Variants in RASSF2 observed in about 807,000 individuals in gnomAD.
RASSF2 encodes the protein ras association domain-containing protein 2.
A neutral mutation model predicts 46.3 loss-of-function variants in RASSF2; 34 were observed. The ratio of observed to expected loss-of-function variants is 0.73; its 90% confidence interval spans 0.56 to 0.98. The LOEUF (loss-of-function observed/expected upper bound fraction) is 0.98. Ranked by LOEUF, RASSF2 falls within the 50% of genes least tolerant of loss-of-function variation. The probability of loss-of-function intolerance (pLI) is 0.00; values close to 1 mark genes in which losing one functional copy is unlikely to be tolerated. For synonymous variants in RASSF2, 158 were observed against 162.5 expected, an observed-to-expected ratio of 0.97 and a Z score of 0.21; for missense variants, 364 against 431.2, an observed-to-expected ratio of 0.84 and a Z score of 1.38.
chr20:4,809,221 T>C (rs899822154), intron 2 of RASSF2, among the ~76,000 whole-genome samples: 38 of 152,288 alleles, frequency 2.5e-4, no homozygotes, highest in Admixed American at 7.2e-4. Context: ...GAAAGACAGC[T>C]TGGGGGTAAG....
chr20:4,803,124 C>A (rs143048396), intron 2 of RASSF2, among the ~76,000 whole-genome samples: 1 of 151,790 alleles, frequency 6.6e-6, no homozygotes. Context: ...TTGCCCAGGC[C>A]GGTCTTGAAC....
At position 4,782,447 on chromosome 20, in the gene RASSF2, T is replaced by C. The variant is rs2422977; in HGVS notation, c.*1826A>G. 0.29 allele frequency: 43,738 copies of C among 152,656 alleles called. 6,403 individuals carry two copies. Among genetic ancestry groups the C allele is most frequent in the Non-Finnish European group, 0.32 (21,477 of 67,992 alleles). 9.5% of individuals were successfully genotyped at this position (152,656 alleles called of 1,614,324 possible). ...GAAGCCTCTCCCGGTGGCTACTCTT[T>C]GTCTTCTTACCCCAGTTCTGTGCAG... On this transcript the variant is annotated 3_prime_UTR_variant, in exon 12 of 12. Coordinates refer to ENST00000379400, the MANE Select transcript of RASSF2 (RefSeq NM_014737.3).
In RASSF2 at chr20:4,787,773, AG is replaced by A. The variant is rs1925493657; in HGVS notation, c.692-20del. 1.9e-6 allele frequency: 3 copies of A among 1,614,040 alleles called. No homozygotes were observed. Among genetic ancestry groups the A allele is most frequent in the African/African-American group, 2.7e-5 (2 of 74,916 alleles). ...TGTTTCTCTGCAACCACACACACCC[AG>A]GAGCAGCCCTGAGAGGCCTTTCTCA... On this transcript the variant is annotated intron_variant, in intron 9 of 11. Transcript: ENST00000379400.
Position 4,801,046 on chromosome 20 carries a change from T to C in RASSF2, c.-16A>G. On this transcript the variant is annotated 5_prime_UTR_variant, in exon 3 of 12. Transcript: ENST00000379400. ...TGTAGTCCATTCTTCCTTTCTCTTT[T>C]CATCGGAAGGAGAGGCCTACATTTG... 1 of 1,613,092 alleles carries C rather than the reference T, an allele frequency of 6.2e-7. No individual in the cohort carries two copies. The highest frequency in any genetic ancestry group is 8.5e-7 in the Non-Finnish European group (1 of 1,179,014).
Position 4,781,785 on chromosome 20 carries a change from A to G in RASSF2, c.*2488T>C, listed in dbSNP as rs962217787. On this transcript the variant is annotated 3_prime_UTR_variant, in exon 12 of 12. Coordinates refer to ENST00000379400, the MANE Select transcript of RASSF2 (RefSeq NM_014737.3). The stretch of plus-strand genomic sequence containing the variant: ...AAACTGGTCTTTTGTCCTTTACACA[A>G]TTTCAGGTTCATTGCACGCAATTAC... 1.3e-5 allele frequency: 2 copies of G among 152,188 alleles called. No homozygotes were observed. The highest frequency in any genetic ancestry group is 2.9e-5 in the Non-Finnish European group (2 of 68,036). The allele number at this position is 152,188 out of a possible 1,614,324, so 9.4% of individuals were successfully genotyped here.
At chr20:4,789,764 C>T (rs981661689) in intron 7 of RASSF2, 67 bp from the exon 8 acceptor site, 25 of 1,311,744 alleles carry the variant, frequency 1.9e-5, no homozygotes, top group African/African-American at 5.8e-5. Context: ...AATCCAGGTG[C>T]GGTACAGGGC....
rs1421641607 is a variant in RASSF2 at position 4,812,940 on chromosome 20, G to A, written c.-33+9389C>T. ...AGGCTGGGAGGTCTGGGGGATGGGAGGCGAGTGAGTGACCAGCCCAGAGGA... is the reference window on the plus strand; with the variant it reads ...AGGCTGGGAGGTCTGGGGGATGGGAAGCGAGTGAGTGACCAGCCCAGAGGA... On this transcript the variant is annotated intron_variant, in intron 2 of 11. Transcript: ENST00000379400. This position sits in a 1 kb window ranked among gnomAD's most constrained non-coding sequence, Gnocchi z 4.0. Among the ~76,000 whole-genome samples, 1 of 152,162 alleles carries A rather than the reference G, an allele frequency of 6.6e-6. No individual in the cohort carries two copies. The highest frequency in any genetic ancestry group is 1.5e-5 in the Non-Finnish European group (1 of 68,032).
intron 11 of RASSF2, among the ~76,000 whole-genome samples, chr20:4,785,454 C>T (rs1925244150): frequency 6.6e-6 from 1 of 152,216 alleles, no homozygotes; most frequent in African/African-American, 2.4e-5. Flanking sequence ...CGGCTTTATT[C>T]TCCAGTGGCA....
At chr20:4,802,914 ATT>A (rs60825053) in intron 2 of RASSF2, among the ~76,000 whole-genome samples, 14 of 95,578 alleles carry the variant, frequency 1.5e-4, no homozygotes, top group Admixed American at 1.0e-3. Context: ...ATATATATAT[ATT>A]TTTTTTTTTT....
At chr20:4,822,174 G>C (rs755591948) in intron 2 of RASSF2, among the ~76,000 whole-genome samples, 155 bp downstream of exon 2, 7 of 152,228 alleles carry the variant, frequency 4.6e-5, no homozygotes, top group Non-Finnish European at 1.0e-4. Flanking sequence ...CCCTGGCTCT[G>C]TCTTCCCGGC....
chr20:4,800,099 G>C (rs953529016), intron 3 of RASSF2, among the ~76,000 whole-genome samples: 1 of 150,062 alleles, frequency 6.7e-6, no homozygotes, highest in African/African-American at 2.4e-5. Context: ...GTGACAGAGG[G>C]AGAGTCCTTC....
chr20:4,811,068 T>A (rs578027898), intron 2 of RASSF2, among the ~76,000 whole-genome samples: 1 of 152,148 alleles, frequency 6.6e-6, no homozygotes, highest in Admixed American at 6.5e-5. Context: ...GCTTTAAACA[T>A]CCTGATGTCA....
intron 2 of RASSF2, among the ~76,000 whole-genome samples, chr20:4,817,851 A>G (rs1928422638): frequency 6.6e-6 from 1 of 152,246 alleles, no homozygotes; most frequent in African/African-American, 2.4e-5. Context: ...TTGTATAGAC[A>G]GAAGGACAAG....
In RASSF2 at chr20:4,789,155, T is replaced by C. The variant is rs528072500; in HGVS notation, c.639+441A>G. Among the ~76,000 whole-genome samples the C allele has an allele frequency of 2.0e-5, 3 of 152,288 alleles. No homozygotes were observed. The South Asian group carries it at 6.2e-4, about 32-fold the overall frequency. ...TCCTGCACTATAATTTGCACGTCTA[T>C]TTAAGTATCATATTTCAAAGTAGGT... On this transcript the variant is annotated intron_variant, in intron 8 of 11. Transcript: ENST00000379400.
intron 2 of RASSF2, among the ~76,000 whole-genome samples, chr20:4,815,915 C>T (rs1928267167): frequency 6.6e-6 from 1 of 152,238 alleles, no homozygotes; most frequent in Admixed American, 6.5e-5. Flanking sequence ...CATGACCCAG[C>T]CTGAGATGGA....
chr20:4,783,799 T>C lies in RASSF2; in HGVS notation c.*474A>G. 1 of 157,432 alleles carries C rather than the reference T, an allele frequency of 6.4e-6. No homozygotes were observed. 9.8% of individuals were successfully genotyped at this position (157,432 alleles called of 1,614,324 possible). ...TGAACCTGGAGAACCCTCTTCCCTCTCTAAACACAGACAGACGTGTGGCTG... is the reference window on the plus strand; with the variant it reads ...TGAACCTGGAGAACCCTCTTCCCTCCCTAAACACAGACAGACGTGTGGCTG... On this transcript the variant is annotated 3_prime_UTR_variant, in exon 12 of 12. Transcript: ENST00000379400.
At chr20:4,820,310 G>A (rs1345677310) in intron 2 of RASSF2, among the ~76,000 whole-genome samples, 1 of 152,098 alleles carries the variant, frequency 6.6e-6, no homozygotes, top group African/African-American at 2.4e-5. Context: ...TTTGAGACCA[G>A]CCTGGATAAC....
At chr20:4,797,007 T>G (rs1568569954) in intron 4 of RASSF2, among the ~76,000 whole-genome samples, 1 of 152,094 alleles carries the variant, frequency 6.6e-6, no homozygotes, top group African/African-American at 2.4e-5. Flanking sequence ...AGCAACTAAC[T>G]AACTTGGGCC....
chr20:4,786,517 C>T (rs969660113), intron 10 of RASSF2, among the ~76,000 whole-genome samples, 189 bp from the exon 11 acceptor site: 2 of 152,186 alleles, frequency 1.3e-5, no homozygotes, highest in East Asian at 1.9e-4. Context: ...ATGATCGCTT[C>T]GCTTACGTGA....
Sources: allele counts gnomAD v4.1 joint callset (sites outside exome capture counted in the v4.1 genomes callset), GRCh38; gene constraint gnomAD v4.1.1; non-coding constraint Gnocchi (gnomAD v3.1); transcripts MANE v1.5; gene names NCBI Gene and HGNC (gene_info 2026-07-23, HGNC 2026-07-21).